Variants in RASGRP1 observed in about 807,000 individuals in gnomAD.
RASGRP1 encodes RAS guanyl releasing protein 1.
A neutral mutation model predicts 95.1 loss-of-function variants in RASGRP1; 37 were observed. The observed-to-expected ratio is 0.39, with a 90% CI of 0.30 to 0.51. RASGRP1 has a LOEUF of 0.51. RASGRP1 is among the 20% of genes least tolerant of loss of function. The pLI is 0.80. For missense variants in RASGRP1, 711 were observed against 965.4 expected (o/e 0.74, Z 3.49); for synonymous variants, 325 against 353.4 (o/e 0.92, Z 0.90).
intron 16 of RASGRP1, among the ~76,000 whole-genome samples, chr15:38,493,135 C>T (rs1890657917): frequency 6.6e-6 from 1 of 151,198 alleles, no homozygotes; most frequent in African/African-American, 2.4e-5. Flanking sequence ...CCACCTTGGC[C>T]TCCCAAAGTG....
chr15:38,516,026 C>T (rs1246155548), intron 6 of RASGRP1, among the ~76,000 whole-genome samples, 171 bp downstream of exon 6: 1 of 151,782 alleles, frequency 6.6e-6, no homozygotes, highest in Non-Finnish European at 1.5e-5. Flanking sequence ...GAGTCACAAT[C>T]AAAGGAATTC....
At position 38,563,289 on chromosome 15, in the gene RASGRP1, T is replaced by A. The variant is rs78702502; in HGVS notation, c.35+1305A>T. Among the ~76,000 whole-genome samples, 51 of 152,208 alleles carry A rather than the reference T, an allele frequency of 3.4e-4. No homozygotes were observed. In the East Asian group the frequency reaches 8.5e-3, roughly 25 times the overall value. ...TCTGAGTCTGTAAAGGCATATTTTT[T>A]AAAAAAATACAGTAGCCAAATGTTT... On this transcript the variant is annotated intron_variant, in intron 1 of 16. Transcript: ENST00000310803.
At chr15:38,539,882 C>T (rs980901761) in intron 2 of RASGRP1, among the ~76,000 whole-genome samples, 2 of 152,088 alleles carry the variant, frequency 1.3e-5, no homozygotes, top group Non-Finnish European at 2.9e-5. Context: ...TCATCCATGT[C>T]CCTACAAAGG....
chr15:38,516,255 G>T lies in RASGRP1; in HGVS notation c.617C>A (p.Pro206Gln), dbSNP rs1365085041. 6.2e-7 allele frequency: 1 copy of T among 1,600,502 alleles called. No individual in the cohort carries two copies. Among genetic ancestry groups the T allele is most frequent in the Non-Finnish European group, 8.6e-7 (1 of 1,167,812 alleles). The change falls in exon 6 of 17, where the codon CCA becomes CAA. Residue 206 changes from proline to glutamine, a missense_variant. Around this residue, in one of 3 missense-constraint regions of RASGRP1, gnomAD observed 491 missense variants for 676.6 expected, o/e 0.73. Transcript: ENST00000310803. ...GGTGAGGTGCTCGGATAGCTCTTCTGGTTCCAGATGGTCAAAGAGCAGGGA... is the reference window on the plus strand; with the variant it reads ...GGTGAGGTGCTCGGATAGCTCTTCTTGTTCCAGATGGTCAAAGAGCAGGGA... The part of the protein sequence containing the change: ...KVSLLFDHLE[P>Q]EELSEHLTYL...
chr15:38,520,151 C>T (rs904106276), intron 3 of RASGRP1, among the ~76,000 whole-genome samples: 9 of 152,144 alleles, frequency 5.9e-5, no homozygotes, highest in South Asian at 2.1e-4. Context: ...GTGATGAGCC[C>T]GAATAGGTCC....
At chr15:38,542,921 GTATA>G (rs1321682868) in intron 2 of RASGRP1, among the ~76,000 whole-genome samples, 1 of 135,918 alleles carries the variant, frequency 7.4e-6, no homozygotes. Flanking sequence ...ATATATGTGT[GTATA>G]TATATGTGTG....
chr15:38,516,457 C>T (rs1170966408), intron 5 of RASGRP1, 107 bp from the exon 6 acceptor site: 4 of 1,364,912 alleles, frequency 2.9e-6, no homozygotes, highest in African/African-American at 2.9e-5. Context: ...ACACCATTAG[C>T]TAACTTTCCT....
At chr15:38,515,998 G>A (rs145478600) in intron 6 of RASGRP1, among the ~76,000 whole-genome samples, 199 bp downstream of exon 6, 27 of 152,048 alleles carry the variant, frequency 1.8e-4, no homozygotes, top group Admixed American at 3.3e-4. Context: ...TGGAAGAAGA[G>A]AGATGGGAGA....
chr15:38,559,068 A>G (rs1182560748), intron 2 of RASGRP1, among the ~76,000 whole-genome samples: 1 of 152,244 alleles, frequency 6.6e-6, no homozygotes, highest in African/African-American at 2.4e-5. Context: ...CAATGATTTC[A>G]TTGAAATCCA....
chr15:38,506,581 G>A (rs546122771), intron 9 of RASGRP1, among the ~76,000 whole-genome samples: 1 of 145,658 alleles, frequency 6.9e-6, no homozygotes, highest in Non-Finnish European at 1.5e-5. Context: ...GTTGCAGTGA[G>A]CTGAGATTGC....
chr15:38,507,132 G>A (rs150015462), intron 9 of RASGRP1, among the ~76,000 whole-genome samples: 4 of 152,268 alleles, frequency 2.6e-5, no homozygotes, highest in African/African-American at 9.6e-5. Flanking sequence ...AATCTTGGAC[G>A]GTTATATGTC....
intron 2 of RASGRP1, among the ~76,000 whole-genome samples, chr15:38,550,839 G>A (rs915695321): frequency 2.6e-5 from 4 of 152,032 alleles, no homozygotes; most frequent in East Asian, 1.9e-4. Context: ...AATGAGTGAC[G>A]GTAATTTTTT....
chr15:38,537,969 A>G lies in RASGRP1; in HGVS notation c.221-11565T>C, dbSNP rs371380446. Among the ~76,000 whole-genome samples, 30 of 152,326 alleles carry G rather than the reference A, an allele frequency of 2.0e-4. No homozygotes were observed. In the East Asian group the frequency reaches 5.0e-3, roughly 25 times the overall value. On this transcript the variant is annotated intron_variant, in intron 2 of 16. Coordinates refer to ENST00000310803, the MANE Select transcript of RASGRP1 (RefSeq NM_005739.4). ...TTCAGTAGTCAAGAGCTGAATAGGA[A>G]TGTGCTTCAAGGGGCTGGGCACGGT...
intron 1 of RASGRP1, among the ~76,000 whole-genome samples, chr15:38,560,714 A>G (rs1480481872): frequency 6.6e-6 from 1 of 152,170 alleles, no homozygotes; most frequent in Non-Finnish European, 1.5e-5. Flanking sequence ...AATACAGGTA[A>G]CCATTATGAG....
chr15:38,543,550 G>C (rs1892984090), intron 2 of RASGRP1, among the ~76,000 whole-genome samples: 1 of 134,580 alleles, frequency 7.4e-6, no homozygotes, highest in East Asian at 2.3e-4. Flanking sequence ...TACATCATCT[G>C]AAACTCTAGT....
At chr15:38,560,063 A>T in intron 1 of RASGRP1, 58 bp from the exon 2 acceptor site, 1 of 1,422,362 alleles carries the variant, frequency 7.0e-7, no homozygotes, top group Non-Finnish European at 9.8e-7. Context: ...CTCTGAAGGC[A>T]GATTGGAGAG....
chr15:38,557,928 G>A (rs972486306), intron 2 of RASGRP1, among the ~76,000 whole-genome samples: 4 of 152,070 alleles, frequency 2.6e-5, no homozygotes, highest in Non-Finnish European at 5.9e-5. Flanking sequence ...GTTATTTGGC[G>A]GGAAGGACTT....
At chr15:38,496,608 A>G (rs989096028) in intron 15 of RASGRP1, among the ~76,000 whole-genome samples, 6 of 152,364 alleles carry the variant, frequency 3.9e-5, no homozygotes, top group African/African-American at 1.2e-4. Context: ...TGTGATTTCT[A>G]TTAAAAGTTG....
At chr15:38,547,552 C>G (rs1893150659) in intron 2 of RASGRP1, among the ~76,000 whole-genome samples, 1 of 152,198 alleles carries the variant, frequency 6.6e-6, no homozygotes, top group Non-Finnish European at 1.5e-5. Flanking sequence ...CCTAGGACCA[C>G]CTTCCAAAGT....
Sources: gnomAD v4.1 joint callset for allele counts (sites outside exome capture counted in the v4.1 genomes callset) on GRCh38, gnomAD v4.1.1 for gene constraint, gnomAD v4.1.1 regional missense constraint, MANE v1.5 for transcripts, NCBI Gene and HGNC (gene_info 2026-07-23, HGNC 2026-07-21) for gene names.